HDAC9: variants seen among roughly 807,000 people sequenced by gnomAD.
HDAC9 encodes the protein MEF-2 interacting transcription repressor (MITR) protein.
Under a neutral mutation model 139.4 loss-of-function variants are expected in HDAC9, and 41 were observed. The observed-to-expected ratio is 0.29, with a 90% CI of 0.23 to 0.38. The LOEUF is 0.38. Ranked by LOEUF, HDAC9 falls within the 10% of genes least tolerant of loss-of-function variation. The probability of loss-of-function intolerance (pLI) is 1.00; values close to 1 mark genes in which losing one functional copy is unlikely to be tolerated. For synonymous variants in HDAC9, 517 were observed against 476.2 expected (o/e 1.09, Z -1.12); for missense variants, 1,147 against 1,297.0 (o/e 0.88, Z 1.78).
intron 2 of HDAC9, among the ~76,000 whole-genome samples, chr7:18,578,916 GT>G (rs1261633584): frequency 6.6e-6 from 1 of 152,228 alleles, no homozygotes; most frequent in African/African-American, 2.4e-5. Context: ...TTGAGTCACA[GT>G]TTAAACCAGA....
intron 1 of HDAC9, among the ~76,000 whole-genome samples, chr7:18,414,763 A>G (rs1481017586): frequency 2.6e-5 from 4 of 152,240 alleles, no homozygotes; most frequent in Non-Finnish European, 5.9e-5. Flanking sequence ...TTAAGAATGA[A>G]TATAACTTAA....
chr7:18,268,510 T>G (rs922461847), intron 2 of HDAC9, among the ~76,000 whole-genome samples: 1 of 152,030 alleles, frequency 6.6e-6, no homozygotes, highest in Non-Finnish European at 1.5e-5. Context: ...AAAAAAGTTG[T>G]TGCTGAAAAT....
At chr7:18,433,489 G>T (rs959785172) in intron 1 of HDAC9, among the ~76,000 whole-genome samples, 1 of 152,074 alleles carries the variant, frequency 6.6e-6, no homozygotes, top group African/African-American at 2.4e-5. Context: ...TATAGTCTCT[G>T]CCCAAAAGCT....
At chr7:18,973,308 A>G (rs1300126028) in intron 24 of HDAC9, among the ~76,000 whole-genome samples, 3 of 152,202 alleles carry the variant, frequency 2.0e-5, no homozygotes, top group African/African-American at 7.2e-5. Flanking sequence ...TCCCCATGTT[A>G]GCCACCATAG....
At chr7:18,770,734 C>T (rs183406444) in intron 16 of HDAC9, among the ~76,000 whole-genome samples, 1 of 152,132 alleles carries the variant, frequency 6.6e-6, no homozygotes, top group East Asian at 1.9e-4. Context: ...GAGGAGGCAA[C>T]TCCAATCACA....
At chr7:18,747,522 T>C (rs539203190) in intron 13 of HDAC9, among the ~76,000 whole-genome samples, 141 of 152,290 alleles carry the variant, frequency 9.3e-4, no homozygotes, top group African/African-American at 3.2e-3. Context: ...ATGGGTAATA[T>C]CGTGTGTGGT....
At chr7:18,904,717 A>G (rs1170627254) in intron 22 of HDAC9, among the ~76,000 whole-genome samples, 3 of 150,776 alleles carry the variant, frequency 2.0e-5, no homozygotes, top group Admixed American at 6.6e-5. Flanking sequence ...CTGGGACTAC[A>G]GGCAACCGCC....
At chr7:18,565,121 C>T (rs1172010694) in intron 2 of HDAC9, among the ~76,000 whole-genome samples, 4 of 152,102 alleles carry the variant, frequency 2.6e-5, no homozygotes, top group East Asian at 1.9e-4. Flanking sequence ...CTTGGCCTTC[C>T]GAGTAGCTTG....
At chr7:18,419,435 C>T (rs10248060) in intron 1 of HDAC9, among the ~76,000 whole-genome samples, 6,797 of 152,112 alleles carry the variant, frequency 0.045, 274 homozygotes, top group East Asian at 0.18. Context: ...TATATGAGAC[C>T]CCCGTTTGAG....
At chr7:18,771,961 T>A (rs1253369581) in intron 16 of HDAC9, among the ~76,000 whole-genome samples, 1 of 152,076 alleles carries the variant, frequency 6.6e-6, no homozygotes, top group African/African-American at 2.4e-5. Flanking sequence ...ATAAGGCTTG[T>A]TGTTGATGAC....
chr7:18,147,423 G>A (rs953017671), intron 1 of HDAC9, among the ~76,000 whole-genome samples: 1 of 152,136 alleles, frequency 6.6e-6, no homozygotes, highest in African/African-American at 2.4e-5. Flanking sequence ...AGTTAATAGG[G>A]ATACTTTCTT....
chr7:18,170,368 G>A (rs555844299), intron 2 of HDAC9, among the ~76,000 whole-genome samples: 2 of 152,054 alleles, frequency 1.3e-5, no homozygotes, highest in South Asian at 4.2e-4. Flanking sequence ...CGGATAGATT[G>A]CAAATTTTCT....
intron 17 of HDAC9, among the ~76,000 whole-genome samples, chr7:18,799,040 GACACACACACACACACACACAC>G (rs201166800): frequency 4.2e-5 from 2 of 47,552 alleles, no homozygotes; most frequent in East Asian, 5.0e-4. Flanking sequence ...TGTGCCCTAA[GACACACACACACACACACACAC>G]ACACACACAC....
chr7:18,683,500 C>T (rs1584832670), intron 12 of HDAC9, among the ~76,000 whole-genome samples: 1 of 151,972 alleles, frequency 6.6e-6, no homozygotes, highest in East Asian at 1.9e-4. Context: ...GTCCCTGGTT[C>T]TTCTAAAGAC....
At chr7:18,531,852 C>T (rs931503976) in intron 2 of HDAC9, among the ~76,000 whole-genome samples, 3 of 151,852 alleles carry the variant, frequency 2.0e-5, no homozygotes, top group Admixed American at 6.6e-5. Context: ...AAAAAGTTGA[C>T]GTGTGATGAG....
chr7:18,776,006 A>T (rs1202488335), intron 16 of HDAC9, among the ~76,000 whole-genome samples: 1 of 152,048 alleles, frequency 6.6e-6, no homozygotes, highest in South Asian at 2.1e-4. Flanking sequence ...ATCACAGCTC[A>T]TTGAAGCCTC....
At chr7:18,086,899 C>T (rs887829397), upstream of HDAC9, 69 of 144,940 alleles carry the variant, frequency 4.8e-4, no homozygotes, top group African/African-American at 1.7e-3. Context: ...CCGAGCCCCC[C>T]CCGCGCGGCG....
At chr7:18,494,559 A>T (rs1180056854), upstream of HDAC9, among the ~76,000 whole-genome samples, 1 of 152,030 alleles carries the variant, frequency 6.6e-6, no homozygotes, top group Non-Finnish European at 1.5e-5. Flanking sequence ...AAGTGACAAG[A>T]TGCTAGGATC....
chr7:18,791,350 G>A (rs1363874822), intron 16 of HDAC9, among the ~76,000 whole-genome samples: 1 of 151,986 alleles, frequency 6.6e-6, no homozygotes, highest in Non-Finnish European at 1.5e-5. Flanking sequence ...ATTAATGCAG[G>A]CTTTTCTTTG....
Sources: allele counts gnomAD v4.1 joint callset (sites outside exome capture counted in the v4.1 genomes callset), GRCh38; gene constraint gnomAD v4.1.1; transcripts MANE v1.5; gene names NCBI Gene and HGNC (gene_info 2026-07-23, HGNC 2026-07-21).